Variants in ABLIM3 observed in about 807,000 individuals in gnomAD.
ABLIM3 encodes actin binding LIM protein family member 3.
Under a neutral mutation model 109.5 loss-of-function variants are expected in ABLIM3, and 61 were observed. That is an observed-to-expected ratio of 0.56 (90% CI 0.45 to 0.69). The LOEUF (loss-of-function observed/expected upper bound fraction) is 0.69, where lower values mean the gene tolerates loss of function less well. Ranked by LOEUF, ABLIM3 falls within the 30% of genes least tolerant of loss-of-function variation. The pLI, the probability that ABLIM3 is intolerant of heterozygous loss-of-function variation, is 0.00. For missense variants in ABLIM3, 796 were observed against 889.5 expected, an observed-to-expected ratio of 0.89 and a Z score of 1.34; for synonymous variants, 300 against 324.8, an observed-to-expected ratio of 0.92 and a Z score of 0.82.
chr5:149,201,638 A>G (rs553865575), intron 5 of ABLIM3, among the ~76,000 whole-genome samples: 1 of 152,328 alleles, frequency 6.6e-6, no homozygotes, highest in African/African-American at 2.4e-5. Context: ...GATGATGCTC[A>G]AGAATAGATT....
intron 2 of ABLIM3, among the ~76,000 whole-genome samples, chr5:149,142,324 C>G (rs1752540561): frequency 6.6e-6 from 1 of 152,210 alleles, no homozygotes; most frequent in Non-Finnish European, 1.5e-5. Flanking sequence ...TTATCAGCGG[C>G]GCCGGCCGCC....
chr5:149,204,283 T>A (rs1253073987), intron 5 of ABLIM3, among the ~76,000 whole-genome samples: 1 of 152,138 alleles, frequency 6.6e-6, no homozygotes, highest in African/African-American at 2.4e-5. Flanking sequence ...GAGGAACATA[T>A]GGAGGAGTGG....
At chr5:149,257,876 A>G (rs1010967179) in intron 23 of ABLIM3, among the ~76,000 whole-genome samples, 5 of 152,222 alleles carry the variant, frequency 3.3e-5, no homozygotes, top group African/African-American at 1.2e-4. Context: ...AAGAGGAAAT[A>G]TCCCCTAAAA....
chr5:149,175,067 A>G (rs1382280032), intron 2 of ABLIM3, among the ~76,000 whole-genome samples: 2 of 152,224 alleles, frequency 1.3e-5, no homozygotes, highest in African/African-American at 4.8e-5. Flanking sequence ...ACAAGAGAGT[A>G]TGTGGTGATT....
chr5:149,242,668 C>A, intron 15 of ABLIM3, 130 bp downstream of exon 15: 1 of 965,238 alleles, frequency 1.0e-6, no homozygotes, highest in South Asian at 1.3e-5. Context: ...TTCTTGTTGA[C>A]TGCCCCATCA....
intron 7 of ABLIM3, 60 bp downstream of exon 7, chr5:149,210,879 A>G (rs989526534): frequency 5.4e-6 from 8 of 1,490,954 alleles, no homozygotes; most frequent in African/African-American, 1.4e-5. Flanking sequence ...CCAAAAAGTC[A>G]TCACAGAAGA....
At chr5:149,154,288 T>C (rs758770840) in intron 2 of ABLIM3, among the ~76,000 whole-genome samples, 11 of 152,234 alleles carry the variant, frequency 7.2e-5, no homozygotes, top group Non-Finnish European at 1.2e-4. Context: ...TTAGATATTT[T>C]TCACAGTCAG....
intron 2 of ABLIM3, among the ~76,000 whole-genome samples, chr5:149,156,776 G>A (rs1010045465): frequency 1.3e-5 from 2 of 152,204 alleles, no homozygotes; most frequent in African/African-American, 4.8e-5. Context: ...CCTGTAAAGG[G>A]ATTTGCAAGC....
intron 11 of ABLIM3, among the ~76,000 whole-genome samples, chr5:149,238,455 C>T (rs182023318): frequency 2.6e-5 from 4 of 152,140 alleles, no homozygotes; most frequent in South Asian, 2.1e-4. Flanking sequence ...CTCTGGTTTC[C>T]GGCCCCTGAA....
chr5:149,151,980 T>C (rs1753475905), intron 2 of ABLIM3, among the ~76,000 whole-genome samples: 1 of 152,258 alleles, frequency 6.6e-6, no homozygotes, highest in African/African-American at 2.4e-5. Flanking sequence ...ATGTGCCTCC[T>C]GGTGGCCAAT....
intron 18 of ABLIM3, among the ~76,000 whole-genome samples, chr5:149,249,070 T>G (rs1192351790): frequency 6.6e-6 from 1 of 152,202 alleles, no homozygotes; most frequent in Non-Finnish European, 1.5e-5. Context: ...GAGGGATTAT[T>G]ATCACCCACT....
In ABLIM3 at chr5:149,246,645, T is replaced by C. The variant is rs371146759; in HGVS notation, c.1551+99T>C. ...CAAAAAACAGATTCAAGCCCACTTA[T>C]GATAGAAAAAAGAAAAGCATAGCTT... On this transcript the variant is annotated intron_variant, in intron 17 of 23. Coordinates refer to ENST00000309868, the MANE Select transcript of ABLIM3 (RefSeq NM_014945.5). The C allele has an allele frequency of 8.0e-4, 1,066 of 1,328,998 alleles. 9 individuals carry two copies. In the African/African-American group the frequency reaches 0.013, roughly 17 times the overall value. The allele number at this position is 1,328,998 out of a possible 1,614,324, so 82.3% of individuals were successfully genotyped here. A position where few individuals can be genotyped will look rare whatever the true frequency, so the allele number is the denominator to read the frequency against.
At chr5:149,192,110 A>AGGTGCTC (rs1757533183) in intron 3 of ABLIM3, among the ~76,000 whole-genome samples, 1 of 152,198 alleles carries the variant, frequency 6.6e-6, no homozygotes, top group African/African-American at 2.4e-5. Context: ...TAAGATCAGG[A>AGGTGCTC]ACAAGATAGA....
At chr5:149,249,702 C>A in intron 18 of ABLIM3, 113 bp from the exon 19 acceptor site, 1 of 1,338,128 alleles carries the variant, frequency 7.5e-7, no homozygotes, top group Non-Finnish European at 1.1e-6. Context: ...CCCCTTTTCC[C>A]AGCCAGCCAG....
intron 9 of ABLIM3, among the ~76,000 whole-genome samples, chr5:149,231,527 T>G (rs1220085698): frequency 6.6e-6 from 1 of 152,218 alleles, no homozygotes; most frequent in Non-Finnish European, 1.5e-5. Flanking sequence ...GAAAAGCAAG[T>G]GCACAATTTC....
At chr5:149,206,891 T>A in intron 5 of ABLIM3, 117 bp from the exon 6 acceptor site, 1 of 1,107,280 alleles carries the variant, frequency 9.0e-7, no homozygotes, top group Non-Finnish European at 1.3e-6. Context: ...CAGTGTCAGG[T>A]GGGAGCAACT....
chr5:149,147,156 G>A (rs1272187765), intron 2 of ABLIM3, among the ~76,000 whole-genome samples: 2 of 151,442 alleles, frequency 1.3e-5, no homozygotes, highest in African/African-American at 2.4e-5. Context: ...TTGTAAATGG[G>A]ATTATGTTCT....
At chr5:149,208,095 T>C (rs970638567) in intron 6 of ABLIM3, among the ~76,000 whole-genome samples, 2 of 152,250 alleles carry the variant, frequency 1.3e-5, no homozygotes, top group African/African-American at 2.4e-5. Context: ...GAAACAGATA[T>C]GCTGCGTTCA....
chr5:149,246,445 G>A (rs375695155), intron 16 of ABLIM3, 37 bp from the exon 17 acceptor site: 2 of 1,605,566 alleles, frequency 1.2e-6, no homozygotes, highest in African/African-American at 2.7e-5. Context: ...TGAGTGGGGT[G>A]CACATGCCGG....
Sources: gnomAD v4.1 joint callset for allele counts (sites outside exome capture counted in the v4.1 genomes callset) on GRCh38, gnomAD v4.1.1 for gene constraint, MANE v1.5 for transcripts, NCBI Gene and HGNC (gene_info 2026-07-23, HGNC 2026-07-21) for gene names.